The following ATIC variants were observed in gnomAD, a reference collection of about 807,000 sequenced individuals.
ATIC encodes the protein bifunctional purine biosynthesis protein ATIC.
Under a neutral mutation model 72.5 loss-of-function variants are expected in ATIC, and 64 were observed. The ratio of observed to expected loss-of-function variants is 0.88; its 90% CI spans 0.72 to 1.09. ATIC has a LOEUF of 1.09. Ranked by LOEUF, ATIC falls within the 50% of genes least tolerant of loss-of-function variation. The pLI is 0.00. For missense variants in ATIC, 787 were observed against 732.4 expected (o/e 1.07, Z -0.86); for synonymous variants, 281 against 267.1 (o/e 1.05, Z -0.51).
Position 215,325,241 on chromosome 2 carries a change from A to G in ATIC, c.291A>G (p.Arg97=). 6.2e-7 allele frequency: 1 copy of G among 1,612,802 alleles called. No individual in the cohort carries two copies. Among genetic ancestry groups the G allele is most frequent in the Non-Finnish European group, 8.5e-7 (1 of 1,178,938 alleles). ...AGCCAGATTCGTCTTTGTTTTATAG[A>G]GTTGTTGCCTGCAATCTCTATCCCT... is the stretch of plus-strand genomic sequence containing the variant. The part of the protein sequence containing the change: ...DMARLDFNLI[R]VVACNLYPFV... Residue 97 remains arginine (R), a splice_region_variant and synonymous_variant, in exon 5 of 16, where the codon AGA becomes AGG. Coordinates refer to ENST00000236959, the MANE Select transcript of ATIC (RefSeq NM_004044.7).
intron 2 of ATIC, among the ~76,000 whole-genome samples, chr2:215,313,002 C>T (rs2052671401): frequency 6.6e-6 from 1 of 151,808 alleles, no homozygotes; most frequent in African/African-American, 2.4e-5. Flanking sequence ...AAGGCTGAGG[C>T]AGGAGAATCG....
Position 215,332,416 on chromosome 2 carries a change from C to T in ATIC, c.723C>T (p.Cys241=), listed in dbSNP as rs143393493. 75 of 1,613,996 alleles carry T rather than the reference C, an allele frequency of 4.6e-5. No homozygotes were observed. The African/African-American group carries it at 5.9e-4, about 13-fold the overall frequency. ...GAGCCCCTGGATTTATAAACTTGTG[C>T]GATGCTTTGAACGCCTGGCAGCTGG... The part of the protein sequence containing the change: ...LNGAPGFINL[C]DALNAWQLVK... Residue 241 remains cysteine, a synonymous_variant, in exon 8 of 16, where the codon TGC becomes TGT. Transcript: ENST00000236959.
chr2:215,329,071 C>G (rs2106012233), intron 7 of ATIC, among the ~76,000 whole-genome samples: 1 of 152,262 alleles, frequency 6.6e-6, no homozygotes, highest in East Asian at 1.9e-4. Flanking sequence ...GTCGCTGAAT[C>G]CCCAGGGCTT....
rs200997625 is a variant in ATIC, at chr2:215,332,441, G to A, written c.748G>A (p.Val250Met). ...LCDALNAWQLVKELKEALGIP... is the reference protein window; with the variant it reads ...LCDALNAWQLMKELKEALGIP... ...CGATGCTTTGAACGCCTGGCAGCTG[G>A]TGAAGGAACTCAAGGAGGCTTTAGG... The change falls in exon 8 of 16, where the codon GTG (valine) becomes ATG (methionine). Residue 250 changes from valine to methionine, a missense_variant. Transcript: ENST00000236959. The A allele has an allele frequency of 6.2e-7, 1 of 1,614,096 alleles. No individual in the cohort carries two copies. The highest frequency in any genetic ancestry group is 1.3e-5 in the African/African-American group (1 of 75,010).
intron 7 of ATIC, 122 bp downstream of exon 7, chr2:215,327,100 T>C (rs1354167366): frequency 4.1e-6 from 6 of 1,478,296 alleles, no homozygotes; most frequent in Middle Eastern, 2.1e-4. Flanking sequence ...CCTGTAGCCA[T>C]CTGATAACCA....
rs574750891 is a variant in ATIC, at chr2:215,322,350, A to G, written c.290+2619A>G. On this transcript the variant is annotated intron_variant, in intron 4 of 15. Transcript: ENST00000236959. Reference sequence around the variant, plus strand: ...CTTTCTTTTTTTTTTTTTTTTTGAGATGGAGTTTCGCTCTTGTTGCCCAGG... The same window carrying G: ...CTTTCTTTTTTTTTTTTTTTTTGAGGTGGAGTTTCGCTCTTGTTGCCCAGG... Among the ~76,000 whole-genome samples the G allele has an allele frequency of 3.4e-4, 41 of 120,404 alleles. No individual in the cohort carries two copies. The South Asian group carries it at 7.6e-3, about 22-fold the overall frequency. 79.0% of individuals were successfully genotyped at this position (120,404 alleles called of 152,430 possible). A position where few individuals can be genotyped will look rare whatever the true frequency, so the allele number is the denominator to read the frequency against.
Position 215,325,245 on chromosome 2 carries a change from G to A in ATIC, c.295G>A (p.Val99Ile), listed in dbSNP as rs1246742982. Residue 99 changes from valine to isoleucine, a missense_variant, in exon 5 of 16, where the codon GTT (valine) becomes ATT (isoleucine). By Grantham distance (29) the Val-to-Ile change is conservative. Coordinates refer to ENST00000236959, the MANE Select transcript of ATIC (RefSeq NM_004044.7). ...ARLDFNLIRV[V>I]ACNLYPFVKT... ...AGATTCGTCTTTGTTTTATAGAGTTGTTGCCTGCAATCTCTATCCCTTTGT... is the reference window on the plus strand; with the variant it reads ...AGATTCGTCTTTGTTTTATAGAGTTATTGCCTGCAATCTCTATCCCTTTGT... 1 of 1,612,684 alleles carries A rather than the reference G, an allele frequency of 6.2e-7. No homozygotes were observed. The highest frequency in any genetic ancestry group is 2.2e-5 in the East Asian group (1 of 44,872).
intron 4 of ATIC, among the ~76,000 whole-genome samples, 196 bp downstream of exon 4, chr2:215,319,927 C>A (rs568343379): frequency 1.9e-4 from 29 of 152,276 alleles, no homozygotes; most frequent in African/African-American, 5.5e-4. Flanking sequence ...TAGGAAGTTA[C>A]AATCTAAATC....
intron 9 of ATIC, 147 bp from the exon 10 acceptor site, chr2:215,334,772 T>G (rs2052937032): frequency 3.0e-6 from 2 of 671,952 alleles, no homozygotes; most frequent in Admixed American, 5.0e-5. Flanking sequence ...TTACTTCAGT[T>G]AAATGACTTA....
At chr2:215,333,230 A>G in intron 8 of ATIC, 120 bp from the exon 9 acceptor site, 1 of 799,870 alleles carries the variant, frequency 1.3e-6, no homozygotes, top group Admixed American at 2.0e-5. Flanking sequence ...TGTTTAATTT[A>G]GCACAGGCAC....
At chr2:215,365,678 G>T in the ATIC span, 2 of 1,595,616 alleles carry the variant, frequency 1.3e-6, no homozygotes, top group South Asian at 2.2e-5. Context: ...TGTATATTCT[G>T]ACTCACAAGA....
intron 7 of ATIC, among the ~76,000 whole-genome samples, chr2:215,330,791 G>T (rs896404872): frequency 1.3e-5 from 2 of 149,762 alleles, no homozygotes; most frequent in East Asian, 2.0e-4. Flanking sequence ...CAGTCCTTCC[G>T]CCTTGGCCTC....
downstream of ATIC, among the ~76,000 whole-genome samples, chr2:215,353,127 T>C (rs900475831): frequency 2.6e-5 from 4 of 152,236 alleles, no homozygotes; most frequent in Non-Finnish European, 5.9e-5. Context: ...ATTATTGCTT[T>C]TGGTTTTGAG....
intron 4 of ATIC, among the ~76,000 whole-genome samples, chr2:215,321,801 A>G (rs1014079706): frequency 6.6e-6 from 1 of 152,142 alleles, no homozygotes; most frequent in African/African-American, 2.4e-5. Flanking sequence ...CCTCTTGTCC[A>G]TTTTTAGTTG....
intron 7 of ATIC, among the ~76,000 whole-genome samples, chr2:215,329,004 A>G (rs1223688851): frequency 6.6e-6 from 1 of 152,238 alleles, no homozygotes; most frequent in Non-Finnish European, 1.5e-5. Flanking sequence ...GGCATGAGCC[A>G]CAGCGCCCAG....
At chr2:215,327,129 T>A in intron 7 of ATIC, 151 bp downstream of exon 7, 1 of 1,288,674 alleles carries the variant, frequency 7.8e-7, no homozygotes, top group Non-Finnish European at 1.1e-6. Context: ...GAGACGCCAT[T>A]TGGACTGAAG....
intron 6 of ATIC, 70 bp from the exon 7 acceptor site, chr2:215,326,752 C>T (rs577182331): frequency 2.0e-4 from 313 of 1,581,276 alleles, no homozygotes; most frequent in Non-Finnish European, 2.5e-4. Context: ...TTGCTGTGGA[C>T]GTAGAAAACC....
intron 2 of ATIC, 127 bp downstream of exon 2, chr2:215,312,751 C>T: frequency 7.0e-7 from 1 of 1,421,218 alleles, no homozygotes; most frequent in South Asian, 1.2e-5. Flanking sequence ...TGGTGTAATA[C>T]TTCCCCACTT....
intron 11 of ATIC, among the ~76,000 whole-genome samples, chr2:215,337,078 TG>T (rs2052963930): frequency 1.2e-5 from 1 of 85,154 alleles, no homozygotes; most frequent in Non-Finnish European, 2.2e-5. Flanking sequence ...ACTAAGTTGT[TG>T]TTGGCTTTTT....
Sources: gnomAD v4.1 joint callset for allele counts (sites outside exome capture counted in the v4.1 genomes callset) on GRCh38, gnomAD v4.1.1 for gene constraint, MANE v1.5 for transcripts, NCBI Gene and HGNC (gene_info 2026-07-23, HGNC 2026-07-21) for gene names.